The following MYO6 variants were observed in gnomAD, a reference collection of about 807,000 sequenced individuals.
MYO6 encodes the protein myosin VI, also known as unconventional myosin-VI.
MYO6 carries 74 observed loss-of-function variants against 178.7 expected under a neutral mutation model. The ratio of observed to expected loss-of-function variants is 0.41; its 90% CI spans 0.34 to 0.50. MYO6 has a LOEUF of 0.50. MYO6 is among the 20% of genes least tolerant of loss of function. MYO6 has a pLI of 0.09. For missense variants in MYO6, 1,330 were observed against 1,547.4 expected, an observed-to-expected ratio of 0.86 and a Z score of 2.36; for synonymous variants, 477 against 504.6, an observed-to-expected ratio of 0.95 and a Z score of 0.73.
Position 75,890,279 on chromosome 6 carries a change from A to G in MYO6, c.2867+14A>G, listed in dbSNP as rs570415633. 1 of 1,613,466 alleles carries G rather than the reference A, an allele frequency of 6.2e-7. No homozygotes were observed. Among genetic ancestry groups the G allele is most frequent in the Admixed American group, 1.7e-5 (1 of 60,014 alleles). ...GGAAAGGCGGATGTGAGGCATTTAT[A>G]TTATTTTGAATAAGAGACTTAAAGA... On this transcript the variant is annotated intron_variant, in intron 26 of 34. Coordinates refer to ENST00000369977, the MANE Select transcript of MYO6 (RefSeq NM_004999.4).
At chr6:75,905,344 T>C (rs1340971702) in intron 30 of MYO6, among the ~76,000 whole-genome samples, 3 of 152,184 alleles carry the variant, frequency 2.0e-5, no homozygotes, top group Admixed American at 6.5e-5. Context: ...TGCAGTTTGA[T>C]CTCAGACTGC....
rs139642332 is a variant in MYO6, at chr6:75,837,467, G to A, written c.553+1511G>A. Reference sequence around the variant, plus strand: ...GCTGGTCTCAACCTCCTGGGCTCAAGCAATCCTCCTGCCTCAGCCTTGTAA... The same window carrying A: ...GCTGGTCTCAACCTCCTGGGCTCAAACAATCCTCCTGCCTCAGCCTTGTAA... On this transcript the variant is annotated intron_variant, in intron 7 of 34. Coordinates refer to ENST00000369977, the MANE Select transcript of MYO6 (RefSeq NM_004999.4). Among the ~76,000 whole-genome samples the A allele has an allele frequency of 5.8e-4, 88 of 152,238 alleles. 2 individuals carry two copies. The highest frequency in any genetic ancestry group is 2.0e-3 in the African/African-American group (85 of 41,524).
intron 7 of MYO6, among the ~76,000 whole-genome samples, chr6:75,838,850 C>T (rs1489950137): frequency 3.3e-5 from 5 of 151,498 alleles, no homozygotes; most frequent in East Asian, 1.9e-4. Flanking sequence ...TTAGTAGAGA[C>T]GGGGTTTCAC....
At chr6:75,882,291 A>G (rs569335724) in intron 23 of MYO6, among the ~76,000 whole-genome samples, 1 of 152,284 alleles carries the variant, frequency 6.6e-6, no homozygotes, top group Non-Finnish European at 1.5e-5. Flanking sequence ...GCCTTAGTGA[A>G]GTCCTTTTCC....
intron 1 of MYO6, among the ~76,000 whole-genome samples, chr6:75,761,592 AACACACACACAC>A (rs3057486): frequency 7.0e-6 from 1 of 142,974 alleles, no homozygotes; most frequent in East Asian, 2.0e-4. Context: ...GGGCTGTTAG[AACACACACACAC>A]ACACACACAC....
intron 19 of MYO6, among the ~76,000 whole-genome samples, chr6:75,871,112 TAACTATACA>T (rs1777107806): frequency 6.6e-6 from 1 of 152,232 alleles, no homozygotes; most frequent in African/African-American, 2.4e-5. Context: ...GCCTGTTTTT[TAACTATACA>T]TTTTAGTAAT....
rs571647322 is a variant in MYO6 at position 75,889,493 on chromosome 6, C to T, written c.2659-564C>T. 5.3e-5 allele frequency among the ~76,000 whole-genome samples: 8 copies of T among 152,196 alleles called. No homozygotes were observed. In the East Asian group the frequency reaches 7.7e-4, roughly 15 times the overall value. ...CATGATCTCGGTTCACTGTAACCTC[C>T]GCCTCCCGGGTTCAAGCAATTCTCC... On this transcript the variant is annotated intron_variant, in intron 25 of 34. Coordinates refer to ENST00000369977, the MANE Select transcript of MYO6 (RefSeq NM_004999.4).
At chr6:75,875,858 T>A (rs1266580669) in intron 20 of MYO6, among the ~76,000 whole-genome samples, 1 of 152,188 alleles carries the variant, frequency 6.6e-6, no homozygotes, top group East Asian at 1.9e-4. Flanking sequence ...GAATTATCAC[T>A]CCACAACTCA....
At chr6:75,773,482 G>A (rs1057450590) in intron 1 of MYO6, among the ~76,000 whole-genome samples, 4 of 152,214 alleles carry the variant, frequency 2.6e-5, no homozygotes, top group Non-Finnish European at 4.4e-5. Flanking sequence ...GAAAACAGTA[G>A]AAGGCTTGAT....
rs1781217932 is a variant in MYO6, at chr6:75,918,084, C to T, written c.*3072C>T. On this transcript the variant is annotated 3_prime_UTR_variant, in exon 35 of 35. Transcript: ENST00000369977. The stretch of plus-strand genomic sequence containing the variant: ...AAGCCTTTGCTGCAATCATATGTAA[C>T]AAAAAGAACCAAAACAAACACTTTT... The T allele has an allele frequency of 6.6e-6, 1 of 152,146 alleles. No individual in the cohort carries two copies. Among genetic ancestry groups the T allele is most frequent in the South Asian group, 2.1e-4 (1 of 4,830 alleles). 9.4% of individuals were successfully genotyped at this position (152,146 alleles called of 1,614,324 possible).
Position 75,890,240 on chromosome 6 carries a change from A to ATT in MYO6, c.2842_2843insTT (p.Arg948IlefsTer10). Reference sequence around the variant, plus strand: ...ACGTGAAGAAGACGAAAAACGTCGAAGAAAGGAAGAGGAGGAAAGGCGGAT... The same window carrying ATT: ...ACGTGAAGAAGACGAAAAACGTCGAATTGAAAGGAAGAGGAGGAAAGGCGGAT... On this transcript the variant is annotated frameshift_variant, in exon 26 of 35. Coordinates refer to ENST00000369977, the MANE Select transcript of MYO6 (RefSeq NM_004999.4). LOFTEE classifies it high-confidence loss of function. 1 of 1,613,496 alleles carries ATT rather than the reference A, an allele frequency of 6.2e-7. No homozygotes were observed. Among genetic ancestry groups the ATT allele is most frequent in the Non-Finnish European group, 8.5e-7 (1 of 1,179,442 alleles).
At chr6:75,821,155 C>G (rs1027979523) in intron 2 of MYO6, among the ~76,000 whole-genome samples, 3 of 152,100 alleles carry the variant, frequency 2.0e-5, no homozygotes, top group Non-Finnish European at 4.4e-5. Context: ...TTAGCCTGCT[C>G]TTAACTTTCT....
rs561483449 is a variant in MYO6 at position 75,762,508 on chromosome 6, C to G, written c.-48+13085C>G. Among the ~76,000 whole-genome samples the G allele has an allele frequency of 3.3e-5, 5 of 152,228 alleles. No homozygotes were observed. The East Asian group carries it at 9.7e-4, about 29-fold the overall frequency. ...TTTTCTGTGTGCTCTTTTAAACACT[C>G]AGAGCTTTGAAAATCAAAGAGTTAA... On this transcript the variant is annotated intron_variant, in intron 1 of 34. Transcript: ENST00000369977.
intron 3 of MYO6, among the ~76,000 whole-genome samples, chr6:75,823,338 T>C (rs1307219482): frequency 6.6e-6 from 1 of 152,236 alleles, no homozygotes; most frequent in Non-Finnish European, 1.5e-5. Context: ...ATTTGACTTA[T>C]AACATCTTTG....
At chr6:75,752,971 C>A (rs920080112) in intron 1 of MYO6, among the ~76,000 whole-genome samples, 7 of 152,092 alleles carry the variant, frequency 4.6e-5, no homozygotes, top group African/African-American at 1.7e-4. Context: ...ATAATTAATT[C>A]TCTAATCTTG....
At chr6:75,812,677 C>T (rs1770811117) in intron 1 of MYO6, among the ~76,000 whole-genome samples, 1 of 151,964 alleles carries the variant, frequency 6.6e-6, no homozygotes, top group African/African-American at 2.4e-5. Context: ...TTTTAGCTCC[C>T]ACAGATACGT....
At position 75,768,778 on chromosome 6, in the gene MYO6, C is replaced by T. The variant is rs140678177; in HGVS notation, c.-48+19355C>T. Among the ~76,000 whole-genome samples the T allele has an allele frequency of 7.9e-3, 1,207 of 152,180 alleles. 16 individuals are homozygous for T. The highest frequency in any genetic ancestry group is 0.027 in the Middle Eastern group (8 of 294). On this transcript the variant is annotated intron_variant, in intron 1 of 34. Transcript: ENST00000369977. ...GTAAAATATATGAACTATATATGAA[C>T]TATTTTGCCATAGAGAATGTATTAG...
At chr6:75,839,222 G>A (rs974523328) in intron 7 of MYO6, among the ~76,000 whole-genome samples, 8 of 151,028 alleles carry the variant, frequency 5.3e-5, no homozygotes, top group African/African-American at 1.2e-4. Context: ...ATGGAGTATC[G>A]CTGTCTCCCA....
At position 75,866,635 on chromosome 6, in the gene MYO6, T is replaced by C. The variant is rs746793919; in HGVS notation, c.1770+14T>C. ...TGCTATGAAACAGTGAGTATAACTT[T>C]TACAAGGAGAAAACCATTTCATGTT... On this transcript the variant is annotated intron_variant, in intron 17 of 34. Coordinates refer to ENST00000369977, the MANE Select transcript of MYO6 (RefSeq NM_004999.4). 6.2e-7 allele frequency: 1 copy of C among 1,602,390 alleles called. No homozygotes were observed. Among genetic ancestry groups the C allele is most frequent in the Admixed American group, 1.7e-5 (1 of 60,004 alleles).
Sources: allele counts gnomAD v4.1 joint callset (sites outside exome capture counted in the v4.1 genomes callset), GRCh38; gene constraint gnomAD v4.1.1; transcripts MANE v1.5; gene names NCBI Gene and HGNC (gene_info 2026-07-23, HGNC 2026-07-21).